PRKAG2: variants seen among roughly 807,000 people sequenced by gnomAD.
PRKAG2 encodes 5'-AMP-activated protein kinase subunit gamma-2.
A neutral mutation model predicts 69.6 loss-of-function variants in PRKAG2; 26 were observed. The observed-to-expected ratio is 0.37, with a 90% CI of 0.27 to 0.52. PRKAG2 has a LOEUF of 0.52. Ranked by LOEUF, PRKAG2 falls within the 20% of genes least tolerant of loss-of-function variation. The pLI is 0.90. For synonymous variants in PRKAG2, 293 were observed against 285.0 expected, an observed-to-expected ratio of 1.03 and a Z score of -0.28; for missense variants, 557 against 740.0, an observed-to-expected ratio of 0.75 and a Z score of 2.87.
chr7:151,672,124 A>T (rs1832141239), intron 4 of PRKAG2, among the ~76,000 whole-genome samples: 1 of 151,016 alleles, frequency 6.6e-6, no homozygotes, highest in Non-Finnish European at 1.5e-5. Flanking sequence ...TTTTTTGAGA[A>T]GGAGTCTCGC....
chr7:151,578,438 T>C lies in PRKAG2; in HGVS notation c.865-1986A>G, dbSNP rs563444887. 2.0e-5 allele frequency among the ~76,000 whole-genome samples: 3 copies of C among 152,362 alleles called. No homozygotes were observed. The East Asian group carries it at 5.8e-4, about 29-fold the overall frequency. ...TGCAGGAACCTAGAGCAGATGACTTTAGGACTAATAACTTAGTACCTATTT... is the reference window on the plus strand; with the variant it reads ...TGCAGGAACCTAGAGCAGATGACTTCAGGACTAATAACTTAGTACCTATTT... On this transcript the variant is annotated intron_variant, in intron 6 of 15. Coordinates refer to ENST00000287878, the MANE Select transcript of PRKAG2 (RefSeq NM_016203.4).
chr7:151,700,962 G>A (rs1271348083), intron 3 of PRKAG2, among the ~76,000 whole-genome samples: 3 of 152,196 alleles, frequency 2.0e-5, no homozygotes, highest in Non-Finnish European at 4.4e-5. Context: ...CCACACAGGC[G>A]AGACCACAGA....
At chr7:151,797,246 G>A (rs1406970062) in intron 1 of PRKAG2, among the ~76,000 whole-genome samples, 5 of 59,858 alleles carry the variant, frequency 8.4e-5, no homozygotes, top group South Asian at 7.5e-4. Context: ...ACCCCCCACC[G>A]CCGCCTGGTG....
In PRKAG2 at chr7:151,836,115, G is replaced by A. The variant is rs2079141636; in HGVS notation, c.114+40392C>T. Among the ~76,000 whole-genome samples the A allele has an allele frequency of 6.6e-6, 1 of 152,196 alleles. No homozygotes were observed. Among genetic ancestry groups the A allele is most frequent in the South Asian group, 2.1e-4 (1 of 4,824 alleles). On this transcript the variant is annotated intron_variant, in intron 1 of 15. Coordinates refer to ENST00000287878, the MANE Select transcript of PRKAG2 (RefSeq NM_016203.4). This position sits in a 1 kb window ranked among gnomAD's most constrained non-coding sequence, Gnocchi z 4.1. The stretch of plus-strand genomic sequence containing the variant: ...AGATGTGATTACAATGAATATTCAT[G>A]ACCGCTTCCCATATCCTGAGTTTTG...
At chr7:151,829,386 A>G (rs1486325564) in intron 1 of PRKAG2, among the ~76,000 whole-genome samples, 1 of 152,230 alleles carries the variant, frequency 6.6e-6, no homozygotes, top group Non-Finnish European at 1.5e-5. Context: ...AAGGATACAA[A>G]GAAATTGCAA....
intron 4 of PRKAG2, among the ~76,000 whole-genome samples, chr7:151,636,863 C>T (rs1825829038): frequency 6.6e-6 from 1 of 152,162 alleles, no homozygotes; most frequent in Non-Finnish European, 1.5e-5. Flanking sequence ...CACAACCATG[C>T]TCGGCTAATT....
chr7:151,789,876 A>G (rs369404526), intron 1 of PRKAG2, among the ~76,000 whole-genome samples: 7 of 152,108 alleles, frequency 4.6e-5, no homozygotes, highest in Admixed American at 4.6e-4. Flanking sequence ...GCAGGCTGCA[A>G]CCCAAGCCCC....
In PRKAG2 at chr7:151,658,368, C is replaced by G. The variant is rs551266957; in HGVS notation, c.684+17052G>C. The stretch of plus-strand genomic sequence containing the variant: ...GGCGTGGTGGCGCGTGCCCGTAATC[C>G]CAGCTACTCAGGAGGCTGAGGCAGA... On this transcript the variant is annotated intron_variant, in intron 4 of 15. Transcript: ENST00000287878. Among the ~76,000 whole-genome samples the G allele has an allele frequency of 1.2e-4, 18 of 151,162 alleles. 1 individual carries two copies. The highest frequency in any genetic ancestry group is 1.1e-3 in the Admixed American group (16 of 15,180).
At chr7:151,783,274 A>G (rs928038205) in intron 2 of PRKAG2, among the ~76,000 whole-genome samples, 1 of 152,232 alleles carries the variant, frequency 6.6e-6, no homozygotes, top group East Asian at 1.9e-4. Flanking sequence ...CCCGGCAGGA[A>G]GAAGAGTGTG....
chr7:151,745,707 T>C (rs1202110467), intron 3 of PRKAG2, among the ~76,000 whole-genome samples: 2 of 152,070 alleles, frequency 1.3e-5, no homozygotes, highest in African/African-American at 4.8e-5. Flanking sequence ...AGAGAAGTAC[T>C]AAAAAGGTGA....
intron 5 of PRKAG2, among the ~76,000 whole-genome samples, chr7:151,617,259 C>A (rs1456225625): frequency 2.1e-4 from 2 of 9,430 alleles, no homozygotes; most frequent in Non-Finnish European, 4.0e-4. Flanking sequence ...AGGGAAGGAG[C>A]GAGGGAAGGA....
At chr7:151,818,191 C>A (rs2078690230) in intron 1 of PRKAG2, among the ~76,000 whole-genome samples, 1 of 152,146 alleles carries the variant, frequency 6.6e-6, no homozygotes, top group Non-Finnish European at 1.5e-5. Context: ...TGACAAATGG[C>A]AAATGTGACA....
At chr7:151,566,763 C>G (rs562240383) in intron 11 of PRKAG2, 1 of 300,254 alleles carries the variant, frequency 3.3e-6, no homozygotes, top group African/African-American at 2.2e-5. Flanking sequence ...CTCAACATAG[C>G]GAATTCCCTG....
intron 1 of PRKAG2, among the ~76,000 whole-genome samples, chr7:151,789,883 C>A (rs1446694260): frequency 6.6e-6 from 1 of 152,176 alleles, no homozygotes. Flanking sequence ...GCAACCCAAG[C>A]CCCATAGATG....
intron 10 of PRKAG2, among the ~76,000 whole-genome samples, chr7:151,569,919 C>G (rs1262582098): frequency 6.6e-6 from 1 of 152,190 alleles, no homozygotes; most frequent in African/African-American, 2.4e-5. Flanking sequence ...ACACGCCCCC[C>G]AGATTGGCCG....
intron 11 of PRKAG2, 89 bp from the exon 12 acceptor site, chr7:151,565,974 A>G: frequency 6.9e-7 from 1 of 1,459,740 alleles, no homozygotes; most frequent in Non-Finnish European, 9.6e-7. Context: ...AAGTATGTCC[A>G]ACAAATTAAA....
intron 1 of PRKAG2, among the ~76,000 whole-genome samples, chr7:151,855,422 TG>T (rs2079731735): frequency 2.3e-4 from 1 of 4,374 alleles, no homozygotes; most frequent in African/African-American, 7.5e-4. Context: ...ACATACACCA[TG>T]CTCCACACAC....
At chr7:151,679,958 G>A (rs1271400855) in intron 3 of PRKAG2, among the ~76,000 whole-genome samples, 1 of 151,946 alleles carries the variant, frequency 6.6e-6, no homozygotes, top group African/African-American at 2.4e-5. Flanking sequence ...TCAGCTACAT[G>A]GCGAGATTGC....
chr7:151,644,813 C>T (rs1189631314), intron 4 of PRKAG2, among the ~76,000 whole-genome samples: 1 of 152,162 alleles, frequency 6.6e-6, no homozygotes, highest in East Asian at 1.9e-4. Flanking sequence ...TTGAGAGTTC[C>T]AGTTGCTTCA....
Sources: allele counts gnomAD v4.1 joint callset (sites outside exome capture counted in the v4.1 genomes callset), GRCh38; gene constraint gnomAD v4.1.1; non-coding constraint Gnocchi (gnomAD v3.1); transcripts MANE v1.5; gene names NCBI Gene and HGNC (gene_info 2026-07-23, HGNC 2026-07-21).